The following DNER variants were observed in gnomAD, a reference collection of about 807,000 sequenced individuals.
DNER encodes delta/notch like EGF repeat containing.
In DNER, 33 loss-of-function variants were observed where a neutral mutation model predicts 78.2. That is an observed-to-expected ratio of 0.42 (90% CI 0.32 to 0.56). The LOEUF (loss-of-function observed/expected upper bound fraction) is 0.56. Among genes scored for constraint, DNER ranks in the 20% least tolerant of loss-of-function variants. The probability of loss-of-function intolerance (pLI) is 0.11; values close to 1 mark genes in which losing one functional copy is unlikely to be tolerated. For synonymous variants in DNER, 417 were observed against 384.8 expected, an observed-to-expected ratio of 1.08 and a Z score of -0.98; for missense variants, 918 against 975.3, an observed-to-expected ratio of 0.94 and a Z score of 0.78.
intron 11 of DNER, among the ~76,000 whole-genome samples, chr2:229,380,810 A>G (rs1414953949): frequency 1.3e-5 from 2 of 152,120 alleles, no homozygotes; most frequent in Non-Finnish European, 2.9e-5. Flanking sequence ...CTGTAATCCC[A>G]GCTACTCGGG....
At chr2:229,586,390 A>G in intron 3 of DNER, among the ~76,000 whole-genome samples, 1 of 151,540 alleles carries the variant, frequency 6.6e-6, no homozygotes, top group Middle Eastern at 3.2e-3. Context: ...TTATGCTGCC[A>G]AAATAAGCAA....
At chr2:229,527,593 C>T (rs1696232090) in intron 5 of DNER, among the ~76,000 whole-genome samples, 1 of 152,174 alleles carries the variant, frequency 6.6e-6, no homozygotes, top group Non-Finnish European at 1.5e-5. Context: ...GTTGAGAAAC[C>T]ACCCTAGATA....
intron 7 of DNER, among the ~76,000 whole-genome samples, chr2:229,451,388 C>T (rs942292587): frequency 5.9e-5 from 9 of 152,110 alleles, no homozygotes; most frequent in Admixed American, 3.9e-4. Context: ...ACCCAGGAGG[C>T]GGAGGATGCA....
chr2:229,425,892 A>C (rs1559348414), intron 8 of DNER, among the ~76,000 whole-genome samples: 1 of 151,932 alleles, frequency 6.6e-6, no homozygotes, highest in Non-Finnish European at 1.5e-5. Flanking sequence ...CATGCCACTC[A>C]CTCCCCTCGT....
chr2:229,646,025 G>A lies in DNER; in HGVS notation c.277-54137C>T, dbSNP rs566922244. ...CCACTTTGCCGGGAGACCAAGGGGT[G>A]GATGAATTCCCTGACAATGTGGATT... On this transcript the variant is annotated intron_variant, in intron 1 of 12. Transcript: ENST00000341772. Among the ~76,000 whole-genome samples the A allele has an allele frequency of 2.6e-5, 4 of 152,318 alleles. No individual in the cohort carries two copies. The South Asian group carries it at 8.3e-4, about 32-fold the overall frequency.
chr2:229,707,740 T>C (rs1170373387), intron 1 of DNER, among the ~76,000 whole-genome samples: 1 of 152,208 alleles, frequency 6.6e-6, no homozygotes, highest in Non-Finnish European at 1.5e-5. Flanking sequence ...GGTAGGTTAG[T>C]GTGTTCAAAT....
At chr2:229,457,642 A>AAACAAAG (rs1694604871) in intron 7 of DNER, among the ~76,000 whole-genome samples, 1 of 151,956 alleles carries the variant, frequency 6.6e-6, no homozygotes, top group Non-Finnish European at 1.5e-5. Context: ...GAATAGAATA[A>AAACAAAG]AACAAAGAAC....
intron 4 of DNER, among the ~76,000 whole-genome samples, chr2:229,578,368 T>C (rs1697338465): frequency 6.6e-6 from 1 of 151,916 alleles, no homozygotes; most frequent in Non-Finnish European, 1.5e-5. Context: ...AGCTAGGGAG[T>C]GGCAGGATCT....
intron 7 of DNER, among the ~76,000 whole-genome samples, chr2:229,452,593 G>A (rs1266261144): frequency 6.6e-6 from 1 of 151,946 alleles, no homozygotes; most frequent in African/African-American, 2.4e-5. Flanking sequence ...CCAAATTCCT[G>A]TTTGAGCCTT....
At chr2:229,517,431 G>A (rs1197654060) in intron 5 of DNER, among the ~76,000 whole-genome samples, 1 of 152,228 alleles carries the variant, frequency 6.6e-6, no homozygotes. Flanking sequence ...TTTAAAACCG[G>A]ATGTACTGAG....
At chr2:229,435,386 C>A (rs1409534255) in intron 8 of DNER, among the ~76,000 whole-genome samples, 1 of 152,174 alleles carries the variant, frequency 6.6e-6, no homozygotes. Context: ...CCCAGCTAAA[C>A]CCTGCCCAAA....
At chr2:229,507,789 T>A (rs1695775107) in intron 6 of DNER, among the ~76,000 whole-genome samples, 1 of 152,194 alleles carries the variant, frequency 6.6e-6, no homozygotes, top group South Asian at 2.1e-4. Flanking sequence ...ACAAAATTTT[T>A]AAATGTTTAG....
At chr2:229,424,004 G>A (rs867687175) in intron 8 of DNER, among the ~76,000 whole-genome samples, 1 of 152,226 alleles carries the variant, frequency 6.6e-6, no homozygotes, top group Non-Finnish European at 1.5e-5. Context: ...AGTATTCACA[G>A]CTGTACCTGT....
chr2:229,542,007 A>C (rs1198473010), intron 5 of DNER, among the ~76,000 whole-genome samples: 1 of 147,488 alleles, frequency 6.8e-6, no homozygotes, highest in Non-Finnish European at 1.5e-5. Flanking sequence ...AATATATAAT[A>C]TATATAATCG....
chr2:229,684,575 C>T (rs977457766), intron 1 of DNER, among the ~76,000 whole-genome samples: 1 of 152,090 alleles, frequency 6.6e-6, no homozygotes, highest in Non-Finnish European at 1.5e-5. Flanking sequence ...CTGCTGGGCC[C>T]CTCAGACTTT....
At chr2:229,421,667 T>G (rs984683170) in intron 8 of DNER, among the ~76,000 whole-genome samples, 16 of 82,506 alleles carry the variant, frequency 1.9e-4, no homozygotes, top group Admixed American at 1.6e-3. Flanking sequence ...AGAGAGAAAG[T>G]GGGAGAGAGA....
intron 8 of DNER, among the ~76,000 whole-genome samples, chr2:229,439,558 G>C (rs992864722): frequency 3.9e-5 from 6 of 152,206 alleles, no homozygotes; most frequent in Non-Finnish European, 8.8e-5. Flanking sequence ...TCCAGCCAAG[G>C]AAGAAAGGCA....
chr2:229,546,507 G>C (rs914922210), intron 5 of DNER, among the ~76,000 whole-genome samples: 4 of 152,204 alleles, frequency 2.6e-5, no homozygotes, highest in Non-Finnish European at 5.9e-5. Context: ...AGGCCAAGGC[G>C]GGGGGATGGC....
chr2:229,628,369 A>G (rs1698380567), intron 1 of DNER, among the ~76,000 whole-genome samples: 2 of 152,180 alleles, frequency 1.3e-5, no homozygotes, highest in African/African-American at 4.8e-5. Context: ...TGTCCAACCC[A>G]TAAAATTGTG....
Sources: allele counts gnomAD v4.1 joint callset (sites outside exome capture counted in the v4.1 genomes callset), GRCh38; gene constraint gnomAD v4.1.1; transcripts MANE v1.5; gene names NCBI Gene and HGNC (gene_info 2026-07-23, HGNC 2026-07-21).